The following GALNT1 variants were observed in gnomAD, a reference collection of about 807,000 sequenced individuals.
GALNT1 encodes polypeptide N-acetylgalactosaminyltransferase 1, also known as GalNAc transferase 1.
GALNT1 carries 17 observed loss-of-function variants against 65.7 expected under a neutral mutation model. The observed-to-expected ratio is 0.26, with a 90% CI of 0.18 to 0.39. GALNT1 has a LOEUF of 0.39. Among genes scored for constraint, GALNT1 ranks in the 10% least tolerant of loss-of-function variants. GALNT1 has a pLI of 1.00. For missense variants in GALNT1, 460 were observed against 672.8 expected, an observed-to-expected ratio of 0.68 and a Z score of 3.50; for synonymous variants, 210 against 219.7, an observed-to-expected ratio of 0.96 and a Z score of 0.39.
chr18:35,652,961 C>G (rs1231480417), intron 1 of GALNT1, among the ~76,000 whole-genome samples: 3 of 152,166 alleles, frequency 2.0e-5, no homozygotes, highest in African/African-American at 7.2e-5. Flanking sequence ...TGCCAGTGAT[C>G]AAAAGAGGCA....
In GALNT1 at chr18:35,671,959, G is replaced by GTTTTAAGCTATATATAT. The variant is rs2047643101; in HGVS notation, c.315-5632_315-5631insTTTTAAGCTATATATAT. ...TGGAGCTACTTATATGCATATACTAGAGCTTCTCAATCTATACTCTTATTT... is the reference window on the plus strand; with the variant it reads ...TGGAGCTACTTATATGCATATACTAGTTTTAAGCTATATATATAGCTTCTCAATCTATACTCTTATTT... On this transcript the variant is annotated intron_variant, in intron 3 of 11. Coordinates refer to ENST00000269195, the MANE Select transcript of GALNT1 (RefSeq NM_020474.4). 2.6e-5 allele frequency among the ~76,000 whole-genome samples: 4 copies of GTTTTAAGCTATATATAT among 152,180 alleles called. No individual in the cohort carries two copies. The South Asian group carries it at 8.3e-4, about 32-fold the overall frequency.
In GALNT1 at chr18:35,650,509, G is replaced by A. The variant is rs775705921; in HGVS notation, c.-103-4051G>A. ...AAATTTACTAGGCGGGAATTTCCTCGTCCTAATAAGCCTGGGAGTGCTACG... is the reference window on the plus strand; with the variant it reads ...AAATTTACTAGGCGGGAATTTCCTCATCCTAATAAGCCTGGGAGTGCTACG... On this transcript the variant is annotated intron_variant, in intron 1 of 11. Coordinates refer to ENST00000269195, the MANE Select transcript of GALNT1 (RefSeq NM_020474.4). 7.2e-5 allele frequency among the ~76,000 whole-genome samples: 11 copies of A among 152,240 alleles called. No individual in the cohort carries two copies. In the South Asian group the frequency reaches 8.3e-4, roughly 11 times the overall value.
intron 10 of GALNT1, 44 bp downstream of exon 10, chr18:35,703,039 G>T: frequency 8.5e-7 from 1 of 1,172,282 alleles, no homozygotes; most frequent in Non-Finnish European, 1.2e-6. Context: ...TTTTCAGATT[G>T]TTTTTACTTT....
chr18:35,695,848 A>T (rs1379425303), intron 9 of GALNT1, among the ~76,000 whole-genome samples: 1 of 152,158 alleles, frequency 6.6e-6, no homozygotes, highest in Non-Finnish European at 1.5e-5. Flanking sequence ...AAAGATTTCT[A>T]GCAGTCACTC....
chr18:35,617,364 C>A (rs1294794911), intron 1 of GALNT1, among the ~76,000 whole-genome samples: 1 of 152,114 alleles, frequency 6.6e-6, no homozygotes, highest in Non-Finnish European at 1.5e-5. Context: ...ATTTGGCCTG[C>A]CAAAGTAAGA....
intron 1 of GALNT1, among the ~76,000 whole-genome samples, chr18:35,617,787 C>T (rs1471782398): frequency 6.6e-6 from 1 of 152,042 alleles, no homozygotes; most frequent in African/African-American, 2.4e-5. Flanking sequence ...CCTCAGTGGT[C>T]CCTAAAGTGT....
At chr18:35,633,605 A>C (rs1378048647) in intron 1 of GALNT1, among the ~76,000 whole-genome samples, 1 of 152,120 alleles carries the variant, frequency 6.6e-6, no homozygotes, top group Non-Finnish European at 1.5e-5. Context: ...GTGATGAGTT[A>C]ATAGGTGCAG....
chr18:35,626,142 G>A (rs1254327110), intron 1 of GALNT1, among the ~76,000 whole-genome samples: 5 of 151,956 alleles, frequency 3.3e-5, no homozygotes, highest in East Asian at 1.9e-4. Flanking sequence ...TTTTTTGTGC[G>A]CTATAGCCCG....
chr18:35,652,726 A>G (rs1568024541), intron 1 of GALNT1, among the ~76,000 whole-genome samples: 2 of 152,054 alleles, frequency 1.3e-5, no homozygotes. Flanking sequence ...CCCATACTCC[A>G]TGTAGGGTGT....
intron 11 of GALNT1, among the ~76,000 whole-genome samples, chr18:35,705,787 G>A (rs1001707636): frequency 6.6e-6 from 1 of 152,190 alleles, no homozygotes; most frequent in Non-Finnish European, 1.5e-5. Flanking sequence ...CATAAGTCTA[G>A]AGGTAAGTAA....
chr18:35,685,438 C>T (rs952378561), intron 5 of GALNT1, among the ~76,000 whole-genome samples: 2 of 147,138 alleles, frequency 1.4e-5, no homozygotes, highest in Non-Finnish European at 3.0e-5. Flanking sequence ...AAATACTTAG[C>T]AAACTATTAT....
At chr18:35,684,389 T>C (rs540471296) in intron 5 of GALNT1, among the ~76,000 whole-genome samples, 6 of 152,164 alleles carry the variant, frequency 3.9e-5, no homozygotes, top group African/African-American at 1.4e-4. Context: ...AACTCAGCAT[T>C]GGGCCAATCA....
At chr18:35,596,754 A>G (rs1221071916) in intron 1 of GALNT1, 2 of 152,196 alleles carry the variant, frequency 1.3e-5, no homozygotes, top group Non-Finnish European at 2.9e-5. Flanking sequence ...TCCATACCTT[A>G]TTCCATTGCT....
chr18:35,670,912 A>G (rs968796575), intron 3 of GALNT1, among the ~76,000 whole-genome samples: 11 of 152,224 alleles, frequency 7.2e-5, no homozygotes, highest in African/African-American at 2.7e-4. Context: ...TCAACTTGAT[A>G]TAATTCAAGA....
chr18:35,610,520 G>T (rs2046704398), intron 1 of GALNT1, among the ~76,000 whole-genome samples: 3 of 152,110 alleles, frequency 2.0e-5, no homozygotes, highest in Admixed American at 2.0e-4. Context: ...CATAAAACTG[G>T]CATTTAATAA....
At chr18:35,658,854 C>A (rs966886776) in intron 2 of GALNT1, among the ~76,000 whole-genome samples, 1 of 151,936 alleles carries the variant, frequency 6.6e-6, no homozygotes, top group Non-Finnish European at 1.5e-5. Context: ...GGATTACAGG[C>A]ACCCGCCACC....
intron 9 of GALNT1, among the ~76,000 whole-genome samples, chr18:35,697,757 G>A (rs952679105): frequency 8.5e-5 from 13 of 152,218 alleles, no homozygotes; most frequent in African/African-American, 2.9e-4. Flanking sequence ...AGACACTGCT[G>A]TGATTCAAGT....
intron 5 of GALNT1, among the ~76,000 whole-genome samples, chr18:35,686,745 A>T (rs563720665): frequency 4.5e-4 from 68 of 152,150 alleles, no homozygotes; most frequent in East Asian, 1.2e-3. Flanking sequence ...CAAAAAAAAA[A>T]TTTTTTTAAT....
chr18:35,698,011 C>T (rs904041718), intron 9 of GALNT1, among the ~76,000 whole-genome samples: 2 of 152,190 alleles, frequency 1.3e-5, no homozygotes, highest in African/African-American at 2.4e-5. Flanking sequence ...GCACTTTCCA[C>T]GTGACTTTCA....
Sources: allele counts gnomAD v4.1 joint callset (sites outside exome capture counted in the v4.1 genomes callset), GRCh38; gene constraint gnomAD v4.1.1; transcripts MANE v1.5; gene names NCBI Gene and HGNC (gene_info 2026-07-23, HGNC 2026-07-21).